SLC35D4: variants seen among roughly 807,000 people sequenced by gnomAD.
The protein encoded by SLC35D4 is UDP-N-acetylglucosamine transporter SLC35D4.
the SLC35D4 span, among the ~76,000 whole-genome samples, chr18:23,294,199 G>GA: frequency 1.3e-5 from 2 of 151,922 alleles, no homozygotes; most frequent in Non-Finnish European, 2.9e-5. Flanking sequence ...AGAAATAAAA[G>GA]AAAAAAACCC....
chr18:23,355,592 C>CG, the SLC35D4 span, among the ~76,000 whole-genome samples: 1 of 141,652 alleles, frequency 7.1e-6, no homozygotes, highest in Non-Finnish European at 1.5e-5. Context: ...CTCTGTAATT[C>CG]TTTTTTTTTT....
the SLC35D4 span, among the ~76,000 whole-genome samples, chr18:23,248,530 TTTTTTTTTA>T: frequency 1.7e-4 from 24 of 138,264 alleles, no homozygotes; most frequent in African/African-American, 6.1e-4. Flanking sequence ...TTTTTTTTTT[TTTTTTTTTA>T]AAAAAAGGCT....
the SLC35D4 span, among the ~76,000 whole-genome samples, chr18:23,415,741 T>C: frequency 3.3e-5 from 5 of 152,268 alleles, no homozygotes; most frequent in African/African-American, 1.2e-4. Context: ...GACAAGCTTA[T>C]GGCTGTACAA....
At chr18:23,258,931 T>G in the SLC35D4 span, 1 of 151,786 alleles carries the variant, frequency 6.6e-6, no homozygotes, top group African/African-American at 2.4e-5. Flanking sequence ...GCACTGAGTT[T>G]AGTCCTAAAT....
the SLC35D4 span, among the ~76,000 whole-genome samples, chr18:23,304,729 G>C: frequency 6.6e-6 from 1 of 152,054 alleles, no homozygotes; most frequent in Admixed American, 6.6e-5. Context: ...TTAGCTCCCT[G>C]CTTCAGAGCC....
the SLC35D4 span, chr18:23,352,243 T>G: frequency 6.2e-7 from 1 of 1,612,262 alleles, no homozygotes; most frequent in Non-Finnish European, 8.5e-7. Context: ...GCCAGAAGGT[T>G]TTTTAGCTTC....
chr18:23,252,462 C>A, the SLC35D4 span, among the ~76,000 whole-genome samples: 1 of 152,216 alleles, frequency 6.6e-6, no homozygotes, highest in Non-Finnish European at 1.5e-5. Context: ...CTGTACAGGG[C>A]ACTTCTCATA....
chr18:23,374,626 C>T, the SLC35D4 span, among the ~76,000 whole-genome samples: 1 of 151,834 alleles, frequency 6.6e-6, no homozygotes, highest in Admixed American at 6.6e-5. Context: ...ACTGTGATTA[C>T]AGGCATGCAC....
the SLC35D4 span, among the ~76,000 whole-genome samples, chr18:23,369,970 C>T: frequency 2.6e-5 from 4 of 152,304 alleles, no homozygotes; most frequent in Admixed American, 2.0e-4. Flanking sequence ...CACCTGAGGT[C>T]GGTAGTTCCA....
the SLC35D4 span, among the ~76,000 whole-genome samples, chr18:23,326,711 A>G: frequency 2.0e-5 from 3 of 152,192 alleles, no homozygotes; most frequent in East Asian, 5.8e-4. Flanking sequence ...CCTAATAGAC[A>G]TCTACAGAAC....
chr18:23,390,901 C>T, the SLC35D4 span, among the ~76,000 whole-genome samples: 1 of 152,164 alleles, frequency 6.6e-6, no homozygotes, highest in South Asian at 2.1e-4. Context: ...TGTTGGCTGA[C>T]TAATTTTTAC....
At chr18:23,346,621 T>C in the SLC35D4 span, among the ~76,000 whole-genome samples, 1 of 152,170 alleles carries the variant, frequency 6.6e-6, no homozygotes, top group African/African-American at 2.4e-5. Context: ...CTCCTGATCT[T>C]AGGGGGAAAG....
the SLC35D4 span, among the ~76,000 whole-genome samples, chr18:23,397,500 G>C: frequency 6.6e-6 from 1 of 152,210 alleles, no homozygotes; most frequent in Non-Finnish European, 1.5e-5. Context: ...AGAATTGAAA[G>C]ACAGAGAAAC....
chr18:23,347,041 A>G, the SLC35D4 span, among the ~76,000 whole-genome samples: 1 of 152,180 alleles, frequency 6.6e-6, no homozygotes. Context: ...CTTGGGAGTT[A>G]TTCCCTCTTC....
chr18:23,335,077 G>A, the SLC35D4 span, among the ~76,000 whole-genome samples: 1 of 151,948 alleles, frequency 6.6e-6, no homozygotes, highest in African/African-American at 2.4e-5. Flanking sequence ...AGAGAGGAGA[G>A]CAATTTTAAG....
At chr18:23,405,701 G>A in the SLC35D4 span, among the ~76,000 whole-genome samples, 3 of 152,204 alleles carry the variant, frequency 2.0e-5, no homozygotes, top group East Asian at 1.9e-4. Flanking sequence ...AGGAGAGAGA[G>A]GGGTGTCGGG....
the SLC35D4 span, among the ~76,000 whole-genome samples, chr18:23,412,342 C>G: frequency 2.0e-5 from 3 of 152,122 alleles, no homozygotes; most frequent in South Asian, 6.2e-4. Flanking sequence ...AAAAAGAAAC[C>G]AAGGTTCATG....
the SLC35D4 span, among the ~76,000 whole-genome samples, chr18:23,294,683 T>C: frequency 6.6e-5 from 10 of 152,154 alleles, no homozygotes; most frequent in East Asian, 1.9e-3. Flanking sequence ...TGCTTGAGCC[T>C]GGGAGGTTGA....
At chr18:23,252,256 A>G in the SLC35D4 span, among the ~76,000 whole-genome samples, 2 of 152,306 alleles carry the variant, frequency 1.3e-5, no homozygotes, top group African/African-American at 2.4e-5. Flanking sequence ...GAGTGTTTCA[A>G]TTGGGAAGAT....
Sources: allele counts gnomAD v4.1 joint callset (sites outside exome capture counted in the v4.1 genomes callset), GRCh38; gene constraint gnomAD v4.1.1; transcripts MANE v1.5; gene names NCBI Gene and HGNC (gene_info 2026-07-23, HGNC 2026-07-21).